The following SYN3 variants were observed in gnomAD, a reference collection of about 807,000 sequenced individuals.
SYN3 encodes synapsin III.
Under a neutral mutation model 65.8 loss-of-function variants are expected in SYN3, and 35 were observed. The observed-to-expected ratio is 0.53, with a 90% confidence interval of 0.41 to 0.70. The LOEUF (loss-of-function observed/expected upper bound fraction) is 0.70, where lower values mean the gene tolerates loss of function less well. Ranked by LOEUF, SYN3 falls within the 30% of genes least tolerant of loss-of-function variation. The pLI, the probability that SYN3 is intolerant of heterozygous loss-of-function variation, is 0.00. For synonymous variants in SYN3, 270 were observed against 292.9 expected (o/e 0.92, Z 0.80); for missense variants, 680 against 749.0 (o/e 0.91, Z 1.08).
rs184494126 is a variant in SYN3, at chr22:33,045,826, A to G, written c.-163+12466T>C. ...GCCCATCATCATCTCTCCCCCATTA[A>G]CTACCACAATGACCCACTCACTGAT... is the stretch of plus-strand genomic sequence containing the variant. On this transcript the variant is annotated intron_variant, in intron 1 of 13. Coordinates refer to ENST00000358763, the MANE Select transcript of SYN3 (RefSeq NM_003490.4). 1.8e-3 allele frequency among the ~76,000 whole-genome samples: 279 copies of G among 151,816 alleles called. 2 individuals carry two copies. The highest frequency in any genetic ancestry group is 1.2e-3 in the East Asian group (6 of 5,166).
At chr22:32,817,173 G>C (rs146038064) in intron 6 of SYN3, among the ~76,000 whole-genome samples, 1,625 of 151,696 alleles carry the variant, frequency 0.011, 29 homozygotes, top group African/African-American at 0.037. Context: ...AGCCATGATT[G>C]TACCACTGCA....
Position 32,706,139 on chromosome 22 carries a change from G to A in SYN3, c.712-109403C>T, listed in dbSNP as rs79981301. 6.0e-3 allele frequency among the ~76,000 whole-genome samples: 921 copies of A among 152,238 alleles called. 7 individuals carry two copies. The highest frequency in any genetic ancestry group is 0.021 in the African/African-American group (884 of 41,546). ...AGAGAGGACAACCTTGTCTTTTGCC[G>A]GTTTTCAAGGGGAACGTTTCCAGCT... On this transcript the variant is annotated intron_variant, in intron 6 of 13. Coordinates refer to ENST00000358763, the MANE Select transcript of SYN3 (RefSeq NM_003490.4).
intron 4 of SYN3, among the ~76,000 whole-genome samples, chr22:32,909,597 T>C (rs1287100839): frequency 1.3e-5 from 2 of 151,968 alleles, no homozygotes; most frequent in Non-Finnish European, 2.9e-5. Flanking sequence ...TCTAATTCTG[T>C]CTCAGAATAT....
chr22:32,553,263 C>A (rs1264208742), intron 7 of SYN3, among the ~76,000 whole-genome samples: 2 of 152,168 alleles, frequency 1.3e-5, no homozygotes, highest in Admixed American at 1.3e-4. Flanking sequence ...CTCCTTAAAG[C>A]ATGATTCAAA....
intron 6 of SYN3, among the ~76,000 whole-genome samples, chr22:32,727,347 C>T (rs1008748229): frequency 2.6e-5 from 4 of 152,214 alleles, no homozygotes; most frequent in African/African-American, 9.7e-5. Flanking sequence ...CATATTATTC[C>T]ATGGTGTATA....
intron 6 of SYN3, among the ~76,000 whole-genome samples, chr22:32,661,597 T>A (rs1254200371): frequency 2.6e-5 from 4 of 152,208 alleles, no homozygotes; most frequent in Admixed American, 6.5e-5. Flanking sequence ...GTGGTTTTCA[T>A]CATTGGCTCC....
At chr22:32,554,279 G>A (rs9621487) in intron 7 of SYN3, among the ~76,000 whole-genome samples, 1 of 152,148 alleles carries the variant, frequency 6.6e-6, no homozygotes. Flanking sequence ...TTTCAGCCCA[G>A]ATGGTCCCTC....
intron 6 of SYN3, chr22:32,785,129 T>C: frequency 6.6e-6 from 1 of 151,032 alleles, no homozygotes; most frequent in Non-Finnish European, 1.5e-5. Context: ...ATGCATATAG[T>C]CTGTTACAGC....
At chr22:32,528,092 T>C in intron 11 of SYN3, 87 bp from the exon 12 acceptor site, 6 of 1,054,612 alleles carry the variant, frequency 5.7e-6, no homozygotes, top group Non-Finnish European at 8.1e-6. Context: ...AAGATCTTTT[T>C]ATCATTGAGA....
In SYN3 at chr22:32,908,677, G is replaced by C. The variant is rs375448831; in HGVS notation, c.461+22713C>G. On this transcript the variant is annotated intron_variant, in intron 4 of 13. Coordinates refer to ENST00000358763, the MANE Select transcript of SYN3 (RefSeq NM_003490.4). ...CTATACTTAATCATATGTGTACTGT[G>C]TGTGTCATGCCATAATGATAGAGTT... Among the ~76,000 whole-genome samples the C allele has an allele frequency of 3.9e-5, 6 of 152,274 alleles. No homozygotes were observed. In the East Asian group the frequency reaches 9.6e-4, roughly 24 times the overall value.
intron 3 of SYN3, among the ~76,000 whole-genome samples, chr22:32,969,048 A>T (rs1361306649): frequency 6.6e-6 from 1 of 152,162 alleles, no homozygotes; most frequent in Non-Finnish European, 1.5e-5. Context: ...TCATTTATCA[A>T]TGGTACTAAC....
At chr22:32,578,732 G>A (rs59553372) in intron 7 of SYN3, among the ~76,000 whole-genome samples, 1,764 of 152,280 alleles carry the variant, frequency 0.012, 27 homozygotes, top group African/African-American at 0.04. Flanking sequence ...CTAGCAATCA[G>A]GTGGCAAGAC....
At chr22:32,518,405 A>G (rs1299005242) in intron 12 of SYN3, 71 bp from the exon 13 acceptor site, 14 of 1,567,176 alleles carry the variant, frequency 8.9e-6, no homozygotes, top group Non-Finnish European at 1.2e-5. Context: ...TACACAAATA[A>G]TGTTGCTTCA....
At chr22:32,893,144 G>T (rs967496247) in intron 4 of SYN3, among the ~76,000 whole-genome samples, 1 of 152,118 alleles carries the variant, frequency 6.6e-6, no homozygotes, top group African/African-American at 2.4e-5. Flanking sequence ...TTATGACCAG[G>T]GGCCCAACAC....
At chr22:32,623,166 G>GC (rs1467151188) in intron 6 of SYN3, among the ~76,000 whole-genome samples, 3 of 151,822 alleles carry the variant, frequency 2.0e-5, no homozygotes, top group Non-Finnish European at 2.9e-5. Flanking sequence ...TCAAAGGATA[G>GC]TTTTTGCTTT....
intron 7 of SYN3, among the ~76,000 whole-genome samples, chr22:32,559,594 C>G (rs1333413815): frequency 2.0e-5 from 3 of 152,058 alleles, no homozygotes; most frequent in Non-Finnish European, 4.4e-5. Flanking sequence ...TTTGGGAGGC[C>G]GAGATGGGCG....
At chr22:32,952,033 G>C (rs1011475097) in intron 3 of SYN3, among the ~76,000 whole-genome samples, 2 of 152,154 alleles carry the variant, frequency 1.3e-5, no homozygotes, top group Admixed American at 6.5e-5. Flanking sequence ...CTGGTCCTGG[G>C]GGGGATCAGT....
chr22:33,047,902 G>A (rs2054096226), intron 1 of SYN3, among the ~76,000 whole-genome samples: 1 of 150,492 alleles, frequency 6.6e-6, no homozygotes, highest in African/African-American at 2.4e-5. Flanking sequence ...AACACAGAGA[G>A]GTTAGGTAAC....
At chr22:33,047,700 GA>G (rs893713919) in intron 1 of SYN3, among the ~76,000 whole-genome samples, 113 of 149,142 alleles carry the variant, frequency 7.6e-4, no homozygotes, top group Middle Eastern at 3.4e-3. Flanking sequence ...ATTGAAGAAA[GA>G]AAAAAAAAAT....
Sources: allele counts gnomAD v4.1 joint callset (sites outside exome capture counted in the v4.1 genomes callset), GRCh38; gene constraint gnomAD v4.1.1; transcripts MANE v1.5; gene names NCBI Gene and HGNC (gene_info 2026-07-23, HGNC 2026-07-21).